The following BBX variants were observed in gnomAD, a reference collection of about 807,000 sequenced individuals.
BBX encodes the protein HMG box transcription factor BBX.
A neutral mutation model predicts 100.2 loss-of-function variants in BBX; 30 were observed. That is an observed-to-expected ratio of 0.30 (90% confidence interval 0.22 to 0.41). BBX has a LOEUF of 0.41. BBX is among the 10% of genes least tolerant of loss of function. BBX has a pLI of 1.00. For missense variants in BBX, 1,023 were observed against 1,129.8 expected (o/e 0.91, Z 1.35); for synonymous variants, 376 against 388.1 (o/e 0.97, Z 0.37).
intron 3 of BBX, among the ~76,000 whole-genome samples, chr3:107,700,803 G>T (rs1211760054): frequency 6.6e-6 from 1 of 151,740 alleles, no homozygotes; most frequent in Non-Finnish European, 1.5e-5. Context: ...GTATTCTATG[G>T]TGTATATGTG....
chr3:107,690,892 C>CTTTTTTTTTTTTTTTTTTTTTTTTTTTT (rs66523709), intron 3 of BBX, among the ~76,000 whole-genome samples: 1 of 41,190 alleles, frequency 2.4e-5, no homozygotes, highest in Non-Finnish European at 3.9e-5. Context: ...GCCCCCCCCC[C>CTTTTTTTTTTTTTTTTTTTTTTTTTTTT]TTTTTTTTTT....
intron 2 of BBX, among the ~76,000 whole-genome samples, chr3:107,594,100 T>G (rs1166064465): frequency 1.3e-5 from 2 of 152,222 alleles, no homozygotes; most frequent in Admixed American, 1.3e-4. Flanking sequence ...AGACAAGGAT[T>G]AGACTCCAAG....
Position 107,789,831 on chromosome 3 carries a change from A to G in BBX, c.2248A>G (p.Ser750Gly). ...AAAGAACTTATTCCACAAAATTGTC[A>G]GCAAATATAAGCACAAAAAGGAGAA... ...QKKNLFHKIV[S>G]KYKHKKEKPN... The change falls in exon 14 of 18, where the codon AGC (serine) becomes GGC (glycine). Residue 750 changes from serine to glycine, a missense_variant. Ser to Gly is a moderately conservative substitution (Grantham distance 56, BLOSUM62 0). This residue lies in a region of BBX where 215 missense variants were observed against 211.3 expected (regional missense o/e 1.02). Transcript: ENST00000325805. 12 of 1,550,374 alleles carry G rather than the reference A, an allele frequency of 7.7e-6. No homozygotes were observed. Among genetic ancestry groups the G allele is most frequent in the Non-Finnish European group, 1.0e-5 (12 of 1,146,008 alleles).
At chr3:107,721,621 T>C (rs2062541505) in intron 5 of BBX, among the ~76,000 whole-genome samples, 1 of 152,068 alleles carries the variant, frequency 6.6e-6, no homozygotes, top group Non-Finnish European at 1.5e-5. Context: ...TTTCTTACTG[T>C]GTTTAAAGAA....
intron 3 of BBX, among the ~76,000 whole-genome samples, chr3:107,686,009 A>C (rs891089543): frequency 2.6e-5 from 4 of 152,180 alleles, no homozygotes; most frequent in African/African-American, 9.7e-5. Context: ...TTCATTTCAG[A>C]GGCGGAAAGT....
In BBX at chr3:107,775,206, C is replaced by T. The variant is rs545135862; in HGVS notation, c.2054+349C>T. ...GCATGTTTACATTTTGCCCATTTTA[C>T]ATACTATATGTATTTATTGTTTATA... On this transcript the variant is annotated intron_variant, in intron 12 of 17. Coordinates refer to ENST00000325805, the MANE Select transcript of BBX (RefSeq NM_001142568.3). Among the ~76,000 whole-genome samples, 7 of 152,244 alleles carry T rather than the reference C, an allele frequency of 4.6e-5. No homozygotes were observed. In the South Asian group the frequency reaches 1.5e-3, roughly 32 times the overall value.
chr3:107,760,518 A>G (rs1006367174), intron 10 of BBX, among the ~76,000 whole-genome samples: 7 of 152,264 alleles, frequency 4.6e-5, no homozygotes, highest in African/African-American at 1.7e-4. Context: ...CAAGGAGCTT[A>G]TTCTCTAGTT....
At chr3:107,616,005 CTTTTTTTTTTTTTTTTTTTTTTTTT>C (rs59614452) in intron 2 of BBX, among the ~76,000 whole-genome samples, 2 of 19,218 alleles carry the variant, frequency 1.0e-4, no homozygotes, top group African/African-American at 5.1e-4. Flanking sequence ...TACTCACCTG[CTTTTTTTTTTTTTTTTTTTTTTTTT>C]TTTTTTTTTT....
In BBX at chr3:107,700,685, G is replaced by A. The variant is rs1430765314; in HGVS notation, c.-9-9767G>A. Among the ~76,000 whole-genome samples the A allele has an allele frequency of 9.5e-5, 14 of 147,782 alleles. No individual in the cohort carries two copies. The Middle Eastern group carries it at 0.011, about 115-fold the overall frequency. ...TTCCCACCTATGAGTGAGAACATGC[G>A]GTGTTTGGTTTTTGTCCTTGCGATA... On this transcript the variant is annotated intron_variant, in intron 3 of 17. Transcript: ENST00000325805.
chr3:107,715,996 A>G (rs1051016444), intron 4 of BBX, among the ~76,000 whole-genome samples: 1 of 152,220 alleles, frequency 6.6e-6, no homozygotes, highest in Non-Finnish European at 1.5e-5. Context: ...ATCATGTTAA[A>G]TATCGATTTT....
rs556170319 is a variant in BBX, at chr3:107,699,605, T to C, written c.-9-10847T>C. Among the ~76,000 whole-genome samples, 20 of 152,006 alleles carry C rather than the reference T, an allele frequency of 1.3e-4. 1 individual carries two copies. The highest frequency in any genetic ancestry group is 4.8e-4 in the African/African-American group (20 of 41,272). ...TGTGGGGCTGGAGAGGAGTAGACTC[T>C]TTGTAAGAGGTAGAAGGGACAGATT... On this transcript the variant is annotated intron_variant, in intron 3 of 17. Transcript: ENST00000325805.
At chr3:107,613,042 G>A (rs2054961286) in intron 2 of BBX, among the ~76,000 whole-genome samples, 1 of 152,008 alleles carries the variant, frequency 6.6e-6, no homozygotes, top group Non-Finnish European at 1.5e-5. Context: ...ACAGACCCAT[G>A]GAGAGTACTG....
At chr3:107,732,206 C>T (rs1031723262) in intron 6 of BBX, among the ~76,000 whole-genome samples, 1 of 152,176 alleles carries the variant, frequency 6.6e-6, no homozygotes, top group Non-Finnish European at 1.5e-5. Flanking sequence ...GCATGAGCCA[C>T]TGTTCCCAAT....
chr3:107,778,732 GC>G (rs1470833712), intron 13 of BBX, among the ~76,000 whole-genome samples: 1 of 151,588 alleles, frequency 6.6e-6, no homozygotes, highest in Non-Finnish European at 1.5e-5. Flanking sequence ...CTGTATATTT[GC>G]CCGTGATGGT....
intron 2 of BBX, among the ~76,000 whole-genome samples, chr3:107,558,536 G>A (rs1288661694): frequency 6.6e-6 from 1 of 152,046 alleles, no homozygotes; most frequent in East Asian, 1.9e-4. Context: ...TATTAATCAG[G>A]TATGGGCTGT....
chr3:107,588,071 CTTA>C (rs1197558626), intron 2 of BBX, among the ~76,000 whole-genome samples: 8 of 151,970 alleles, frequency 5.3e-5, no homozygotes, highest in African/African-American at 1.9e-4. Context: ...TTCTGTTCTT[CTTA>C]TTAGGGTAGA....
chr3:107,549,733 A>C (rs2049519113), intron 2 of BBX, among the ~76,000 whole-genome samples: 1 of 152,184 alleles, frequency 6.6e-6, no homozygotes, highest in South Asian at 2.1e-4. Flanking sequence ...AGCCATGTGC[A>C]TTCCTTGCAG....
intron 10 of BBX, among the ~76,000 whole-genome samples, chr3:107,760,256 G>T (rs1433983617): frequency 6.6e-6 from 1 of 152,166 alleles, no homozygotes; most frequent in African/African-American, 2.4e-5. Context: ...GCTTGTTATA[G>T]GAGTGTGCAT....
Position 107,774,856 on chromosome 3 carries a change from G to A in BBX, c.2053G>A (p.Gly685Ser). 6.2e-7 allele frequency: 1 copy of A among 1,612,970 alleles called. No homozygotes were observed. The highest frequency in any genetic ancestry group is 8.5e-7 in the Non-Finnish European group (1 of 1,179,362). Residue 685 changes from glycine (G) to serine (S), a missense_variant and splice_region_variant, in exon 12 of 18, where the codon GGC (glycine) becomes AGC (serine). Transcript: ENST00000325805. ...AAAGCCAAAAGAAGACTGTCTCCTT[G>A]GGTAAGTGCCTGTGAGCACAGTCAC... is the stretch of plus-strand genomic sequence containing the variant. ...KTKPKEDCLL[G>S]SAKLDEEFEK...
Sources: gnomAD v4.1 joint callset for allele counts (sites outside exome capture counted in the v4.1 genomes callset) on GRCh38, gnomAD v4.1.1 for gene constraint, gnomAD v4.1.1 regional missense constraint, MANE v1.5 for transcripts, NCBI Gene and HGNC (gene_info 2026-07-23, HGNC 2026-07-21) for gene names.